SV2C: variants seen among roughly 807,000 people sequenced by gnomAD.
SV2C encodes the protein synaptic vesicle glycoprotein 2C, also known as solute carrier family 22 member B3.
SV2C carries 49 observed loss-of-function variants against 79.7 expected under a neutral mutation model. The observed-to-expected ratio is 0.61, with a 90% confidence interval of 0.49 to 0.78. SV2C has a LOEUF of 0.78. Ranked by LOEUF, SV2C falls within the 30% of genes least tolerant of loss-of-function variation. The pLI is 0.00. For missense variants in SV2C, 833 were observed against 912.9 expected, an observed-to-expected ratio of 0.91 and a Z score of 1.13; for synonymous variants, 334 against 333.2, an observed-to-expected ratio of 1.00 and a Z score of -0.03.
chr5:75,941,551 T>G, the SV2C span, among the ~76,000 whole-genome samples: 1 of 152,322 alleles, frequency 6.6e-6, no homozygotes, highest in East Asian at 1.9e-4. Context: ...CATTTTTAAT[T>G]CTAGTAATAG....
intron 2 of SV2C, among the ~76,000 whole-genome samples, chr5:76,135,275 C>T (rs769675019): frequency 1.3e-5 from 2 of 152,142 alleles, no homozygotes; most frequent in Non-Finnish European, 2.9e-5. Flanking sequence ...ATTTTGAGGT[C>T]CTTGGGGACA....
intron 1 of SV2C, among the ~76,000 whole-genome samples, chr5:76,113,939 C>CAT (rs991749846): frequency 6.6e-6 from 1 of 151,318 alleles, no homozygotes; most frequent in Admixed American, 6.6e-5. Context: ...CACACACACA[C>CAT]ATATATACAC....
At chr5:76,349,821 C>CCA (rs1477539686) in intron 12 of SV2C, among the ~76,000 whole-genome samples, 1 of 152,120 alleles carries the variant, frequency 6.6e-6, no homozygotes, top group Non-Finnish European at 1.5e-5. Flanking sequence ...TAGGCAGGAG[C>CCA]CACCATGCTG....
At chr5:76,189,781 G>A (rs1371977505) in intron 2 of SV2C, among the ~76,000 whole-genome samples, 1 of 152,062 alleles carries the variant, frequency 6.6e-6, no homozygotes, top group Admixed American at 6.5e-5. Context: ...GCCTCAATCT[G>A]AGCACAGGAT....
At chr5:75,937,592 C>G in the SV2C span, among the ~76,000 whole-genome samples, 1 of 151,960 alleles carries the variant, frequency 6.6e-6, no homozygotes, top group Non-Finnish European at 1.5e-5. Context: ...ACCTGTGGTC[C>G]CAGCTACTCA....
intron 12 of SV2C, among the ~76,000 whole-genome samples, chr5:76,340,054 A>G (rs73117730): frequency 0.088 from 13,450 of 152,240 alleles, 1,568 homozygotes; most frequent in African/African-American, 0.27. Context: ...GTGACCTCTG[A>G]TCATCCTCAG....
the SV2C span, chr5:75,910,707 A>G: frequency 5.9e-6 from 8 of 1,350,014 alleles, no homozygotes; most frequent in African/African-American, 1.4e-5. Flanking sequence ...GAAGAGTTCA[A>G]CAAAGCCCAG....
intron 12 of SV2C, among the ~76,000 whole-genome samples, chr5:76,324,223 G>A (rs756277309): frequency 2.0e-5 from 3 of 152,040 alleles, no homozygotes; most frequent in African/African-American, 2.4e-5. Context: ...GCCTCCCAAA[G>A]TGCTGGGATT....
intron 1 of SV2C, among the ~76,000 whole-genome samples, chr5:76,101,814 CT>C (rs894262340): frequency 1.3e-5 from 2 of 152,032 alleles, no homozygotes; most frequent in African/African-American, 4.8e-5. Context: ...CTATGAAGAA[CT>C]TTTTTTGGTA....
At chr5:76,045,595 T>C in the SV2C span, among the ~76,000 whole-genome samples, 1 of 152,238 alleles carries the variant, frequency 6.6e-6, no homozygotes, top group Admixed American at 6.5e-5. Flanking sequence ...TTAGCTGCAA[T>C]CTTAAGCCAA....
chr5:76,114,772 G>A (rs911693083), intron 1 of SV2C, among the ~76,000 whole-genome samples: 5 of 152,216 alleles, frequency 3.3e-5, no homozygotes, highest in African/African-American at 9.6e-5. Context: ...GCCTGTGCTC[G>A]CCGGCTAGGG....
chr5:75,849,666 C>T, the SV2C span, among the ~76,000 whole-genome samples: 2 of 152,164 alleles, frequency 1.3e-5, no homozygotes, highest in African/African-American at 4.8e-5. Context: ...AATTTAACTA[C>T]ATCACAAGGT....
chr5:76,023,825 T>C, the SV2C span, among the ~76,000 whole-genome samples: 1 of 151,950 alleles, frequency 6.6e-6, no homozygotes. Context: ...TGCCCACATA[T>C]GCATGGGTTT....
chr5:75,857,190 A>G, the SV2C span, among the ~76,000 whole-genome samples: 1 of 151,886 alleles, frequency 6.6e-6, no homozygotes, highest in Non-Finnish European at 1.5e-5. Context: ...ATCTCCTGAC[A>G]TTGTGATCCG....
chr5:76,033,709 C>T, the SV2C span, among the ~76,000 whole-genome samples: 16 of 152,062 alleles, frequency 1.1e-4, no homozygotes, highest in Non-Finnish European at 1.6e-4. Flanking sequence ...TCTTTTGGCT[C>T]AGGATTGACT....
chr5:75,940,215 T>C, the SV2C span, among the ~76,000 whole-genome samples: 1 of 152,040 alleles, frequency 6.6e-6, no homozygotes, highest in Non-Finnish European at 1.5e-5. Flanking sequence ...AATACAAAAA[T>C]TAGCCAGGCA....
chr5:75,974,845 A>G, the SV2C span, among the ~76,000 whole-genome samples: 1 of 152,262 alleles, frequency 6.6e-6, no homozygotes, highest in East Asian at 1.9e-4. Flanking sequence ...GTTTAGGTTT[A>G]CTATTCACAA....
downstream of SV2C, among the ~76,000 whole-genome samples, chr5:76,334,828 G>T (rs1297605371): frequency 6.6e-6 from 1 of 152,130 alleles, no homozygotes; most frequent in African/African-American, 2.4e-5. Flanking sequence ...CTAATCAAGA[G>T]TCACCTCTCC....
the SV2C span, among the ~76,000 whole-genome samples, chr5:75,900,839 C>T: frequency 1.8e-4 from 28 of 152,186 alleles, no homozygotes; most frequent in Non-Finnish European, 3.5e-4. Flanking sequence ...TTCATTTCAT[C>T]TTCCATCACT....
Sources: allele counts gnomAD v4.1 joint callset (sites outside exome capture counted in the v4.1 genomes callset), GRCh38; gene constraint gnomAD v4.1.1; transcripts MANE v1.5; gene names NCBI Gene and HGNC (gene_info 2026-07-23, HGNC 2026-07-21).